UTY: variants seen among roughly 807,000 people sequenced by gnomAD.
The protein encoded by UTY is histone demethylase UTY.
A neutral mutation model predicts 32.5 loss-of-function variants in UTY; 12 were observed. The ratio of observed to expected loss-of-function variants is 0.37; its 90% CI spans 0.24 to 0.60. The LOEUF (loss-of-function observed/expected upper bound fraction) is 0.60, where lower values mean the gene tolerates loss of function less well. UTY is among the 20% of genes least tolerant of loss of function. The probability of loss-of-function intolerance (pLI) is 0.69; values close to 1 mark genes in which losing one functional copy is unlikely to be tolerated. For missense variants in UTY, 303 were observed against 299.2 expected (o/e 1.01, Z -0.09); for synonymous variants, 131 against 103.4 (o/e 1.27, Z -1.62).
At position 13,414,743 on chromosome Y, in the gene UTY, T is replaced by C; in HGVS notation, c.426A>G (p.Ala142=). Reference sequence around the variant, plus strand: ...GGTATAAGTCAACTTACCAATGAAATGCATTGTAGTAGAAGTAGACCAAAC... The same window carrying C: ...GGTATAAGTCAACTTACCAATGAAACGCATTGTAGTAGAAGTAGACCAAAC... ...GLGLVYFYYN[A]FHWAIKAFQD... Residue 142 remains alanine, a synonymous_variant, in exon 5 of 30, where the codon GCA becomes GCG. Transcript: ENST00000545955. 1.0e-5 allele frequency: 4 copies of C among 385,084 alleles called. No homozygotes were observed. Among genetic ancestry groups the C allele is most frequent in the Non-Finnish European group, 1.4e-5 (4 of 276,841 alleles).
intron 4 of UTY, among the ~76,000 whole-genome samples, chrY:13,436,207 C>G: frequency 6.0e-5 from 2 of 33,522 alleles, no homozygotes; most frequent in Non-Finnish European, 1.5e-4. Context: ...GAGACAGACT[C>G]GTTTCATCTG....
intron 18 of UTY, among the ~76,000 whole-genome samples, chrY:13,332,540 T>C (rs2060763422): frequency 3.0e-5 from 1 of 33,751 alleles, no homozygotes; most frequent in Non-Finnish European, 7.3e-5. Flanking sequence ...TTAATAAAAT[T>C]CAACATCCCT....
intron 10 of UTY, 29 bp downstream of exon 10, chrY:13,366,238 C>T (rs777575015): frequency 2.6e-6 from 1 of 377,703 alleles, no homozygotes. Context: ...TACAAATAAA[C>T]TCTAGATAGC....
At chrY:13,271,418 T>C in intron 27 of UTY, among the ~76,000 whole-genome samples, 1 of 33,542 alleles carries the variant, frequency 3.0e-5, no homozygotes, top group Non-Finnish European at 7.4e-5. Flanking sequence ...TACAGATTTA[T>C]AAATAAATAT....
At chrY:13,269,147 T>C in intron 27 of UTY, among the ~76,000 whole-genome samples, 2 of 33,312 alleles carry the variant, frequency 6.0e-5, no homozygotes, top group Non-Finnish European at 1.5e-4. Context: ...CCCAGTGAGA[T>C]GGGAGTTCTA....
chrY:13,444,446 A>C, intron 4 of UTY, among the ~76,000 whole-genome samples: 2 of 33,906 alleles, frequency 5.9e-5, no homozygotes, highest in Admixed American at 2.7e-4. Context: ...ATCAGTCAGT[A>C]ATTACAACGT....
In UTY at chrY:13,341,678, C is replaced by T. The variant is rs771984868; in HGVS notation, c.2062-5343G>A. On this transcript the variant is annotated intron_variant, in intron 17 of 29. Transcript: ENST00000545955. ...CTCCATTTCATTAGGCCCTGAGGAA[C>T]CTACGGTCTCAATGGAGGTAGGGGG... is the stretch of plus-strand genomic sequence containing the variant. 6.4e-4 allele frequency among the ~76,000 whole-genome samples: 21 copies of T among 32,696 alleles called. No individual in the cohort carries two copies. The East Asian group carries it at 0.015, about 24-fold the overall frequency. 87.7% of individuals were successfully genotyped at this position (32,696 alleles called of 37,273 possible).
rs2053992655 is a variant in UTY at position 13,248,943 on chromosome Y, TAC to T, written c.*911_*912del. The T allele has an allele frequency of 2.6e-5, 1 of 38,603 alleles. No homozygotes were observed. The allele number at this position is 38,603 out of a possible 400,897, so 9.6% of individuals were successfully genotyped here. ...TATATATTATACATGTGTGTACACA[TAC>T]ACACACATATAAAATACATATAATC... On this transcript the variant is annotated 3_prime_UTR_variant, in exon 30 of 30. Coordinates refer to ENST00000545955, the MANE Select transcript of UTY (RefSeq NM_001258249.2).
At chrY:13,393,134 C>T in intron 8 of UTY, 2 of 33,332 alleles carry the variant, frequency 6.0e-5, no homozygotes, top group African/African-American at 2.3e-4. Context: ...CCACCATGCC[C>T]AACATGGTTA....
At chrY:13,441,234 C>T in intron 4 of UTY, among the ~76,000 whole-genome samples, 1 of 32,492 alleles carries the variant, frequency 3.1e-5, no homozygotes, top group South Asian at 6.7e-4. Flanking sequence ...AGCTCACAAA[C>T]CTCAGCAATG....
intron 5 of UTY, among the ~76,000 whole-genome samples, chrY:13,412,805 T>C: frequency 3.0e-5 from 1 of 33,739 alleles, no homozygotes; most frequent in Non-Finnish European, 7.3e-5. Context: ...AAAATAACCA[T>C]CTTTACATGG....
At chrY:13,376,873 T>A in intron 8 of UTY, among the ~76,000 whole-genome samples, 1 of 33,457 alleles carries the variant, frequency 3.0e-5, no homozygotes, top group Non-Finnish European at 7.4e-5. Flanking sequence ...GAAAGCATCC[T>A]CTTCCCGTGA....
At chrY:13,349,142 AAC>A in intron 17 of UTY, among the ~76,000 whole-genome samples, 1 of 33,201 alleles carries the variant, frequency 3.0e-5, no homozygotes, top group East Asian at 8.1e-4. Flanking sequence ...TACAACTTCT[AAC>A]AGGAGAAGAG....
At chrY:13,245,230 C>T, downstream of UTY, among the ~76,000 whole-genome samples, 1 of 33,864 alleles carries the variant, frequency 3.0e-5, no homozygotes, top group African/African-American at 1.1e-4. Context: ...TTCACTGAAG[C>T]TGCTCAGGTT....
chrY:13,323,935 G>A (rs2060009556), intron 20 of UTY, among the ~76,000 whole-genome samples, 175 bp from the exon 21 acceptor site: 1 of 33,235 alleles, frequency 3.0e-5, no homozygotes, highest in African/African-American at 1.2e-4. Context: ...TCAGGGTGTA[G>A]AGGGTGGCAA....
intron 25 of UTY, among the ~76,000 whole-genome samples, chrY:13,300,728 G>A (rs2058335274): frequency 6.0e-5 from 2 of 33,330 alleles, no homozygotes; most frequent in East Asian, 1.6e-3. Flanking sequence ...TCAGATTTAA[G>A]AACTGATTTT....
intron 3 of UTY, among the ~76,000 whole-genome samples, chrY:13,454,797 C>A: frequency 3.3e-5 from 1 of 30,427 alleles, no homozygotes; most frequent in South Asian, 7.6e-4. Context: ...ATTAGCCAGG[C>A]ATGGTGGTAG....
intron 7 of UTY, chrY:13,396,275 T>G: frequency 3.0e-5 from 1 of 33,020 alleles, no homozygotes; most frequent in African/African-American, 1.2e-4. Flanking sequence ...ATACTCAGTA[T>G]GGCAATATTC....
chrY:13,304,384 C>G (rs893704779), intron 24 of UTY, among the ~76,000 whole-genome samples: 1 of 33,234 alleles, frequency 3.0e-5, no homozygotes, highest in Non-Finnish European at 7.4e-5. Context: ...CAAATCTCAA[C>G]AAAAGTGCAG....
Sources: allele counts gnomAD v4.1 joint callset (sites outside exome capture counted in the v4.1 genomes callset), GRCh38; gene constraint gnomAD v4.1.1; transcripts MANE v1.5; gene names NCBI Gene and HGNC (gene_info 2026-07-23, HGNC 2026-07-21).